CENPE: variants seen among roughly 807,000 people sequenced by gnomAD.
CENPE encodes centromere-associated protein E.
Under a neutral mutation model 336.1 loss-of-function variants are expected in CENPE, and 145 were observed. The observed-to-expected ratio is 0.43, with a 90% CI of 0.38 to 0.50. The LOEUF (loss-of-function observed/expected upper bound fraction) is 0.50. Among genes scored for constraint, CENPE ranks in the 20% least tolerant of loss-of-function variants. The pLI is 0.00. For missense variants in CENPE, 2,719 were observed against 3,023.3 expected, an observed-to-expected ratio of 0.90 and a Z score of 2.36; for synonymous variants, 1,013 against 984.8, an observed-to-expected ratio of 1.03 and a Z score of -0.54.
chr4:103,196,121 C>T, intron 3 of CENPE, 42 bp downstream of exon 3: 1 of 1,592,204 alleles, frequency 6.3e-7, no homozygotes, highest in South Asian at 1.1e-5. Flanking sequence ...TGCACAGACG[C>T]CCAAGACTAA....
intron 31 of CENPE, 22 bp from the exon 32 acceptor site, chr4:103,145,356 A>G: frequency 6.9e-7 from 1 of 1,447,672 alleles, no homozygotes; most frequent in South Asian, 1.2e-5. Context: ...TTATAAAATA[A>G]GTTAATAGTC....
chr4:103,185,892 G>A lies in CENPE; in HGVS notation c.694-31C>T, dbSNP rs201453971. ...AGATAGATAAAAATAAATCCTTAGG[G>A]CAGATAATTTGAAATAATAAAATTC... On this transcript the variant is annotated intron_variant, in intron 8 of 48. Coordinates refer to ENST00000265148, the MANE Select transcript of CENPE (RefSeq NM_001813.3). 48 of 1,471,086 alleles carry A rather than the reference G, an allele frequency of 3.3e-5. No individual in the cohort carries two copies. The African/African-American group carries it at 6.4e-4, about 20-fold the overall frequency. 91.1% of individuals were successfully genotyped at this position (1,471,086 alleles called of 1,614,324 possible).
rs1182182729 is a variant in CENPE, at chr4:103,121,224, T to C, written c.7144-891A>G. ...TACATGAATATATAGTTTCTAAAAA[T>C]AGTATACACACAATATACTAAATAT... On this transcript the variant is annotated intron_variant, in intron 43 of 48. Transcript: ENST00000265148. Among the ~76,000 whole-genome samples the C allele has an allele frequency of 8.5e-5, 13 of 152,330 alleles. No homozygotes were observed. In the East Asian group the frequency reaches 2.3e-3, roughly 27 times the overall value.
At position 103,140,303 on chromosome 4, in the gene CENPE, C is replaced by A; in HGVS notation, c.5866G>T (p.Asp1956Tyr). The change falls in exon 37 of 49, where the codon GAC becomes TAC. Residue 1956 changes from aspartate (D) to tyrosine (Y), a missense_variant. Coordinates refer to ENST00000265148, the MANE Select transcript of CENPE (RefSeq NM_001813.3). ...GATTTATCTAAATCCTTTTGAATGT[C>A]TGAAATTTGAATTGTCTTTTCTGAA... is the stretch of plus-strand genomic sequence containing the variant. ...KISEKTIQIS[D>Y]IQKDLDKSKD... The A allele has an allele frequency of 6.2e-7, 1 of 1,604,618 alleles. No homozygotes were observed. The highest frequency in any genetic ancestry group is 1.1e-5 in the South Asian group (1 of 89,364).
chr4:103,144,109 T>C (rs190170888), intron 33 of CENPE, among the ~76,000 whole-genome samples: 103 of 152,132 alleles, frequency 6.8e-4, no homozygotes, highest in African/African-American at 2.5e-3. Flanking sequence ...CCTAATTTTT[T>C]ATGTTTTTAG....
chr4:103,125,148 C>T (rs886833576), intron 42 of CENPE, among the ~76,000 whole-genome samples: 22 of 152,148 alleles, frequency 1.4e-4, no homozygotes, highest in Non-Finnish European at 2.6e-4. Context: ...ACTTTCCAAG[C>T]GAAAACTTTT....
intron 29 of CENPE, among the ~76,000 whole-genome samples, 161 bp from the exon 30 acceptor site, chr4:103,146,268 T>A (rs1427018675): frequency 6.6e-6 from 1 of 152,232 alleles, no homozygotes; most frequent in Non-Finnish European, 1.5e-5. Context: ...AGGCATTTAA[T>A]GCTTTTTAAA....
intron 45 of CENPE, among the ~76,000 whole-genome samples, chr4:103,115,377 GC>G (rs1750001570): frequency 6.6e-6 from 1 of 151,968 alleles, no homozygotes; most frequent in South Asian, 2.1e-4. Flanking sequence ...CAGGTGATCT[GC>G]CTGCCTCAGC....
At chr4:103,117,441 C>T (rs1345297181) in intron 44 of CENPE, among the ~76,000 whole-genome samples, 2 of 151,986 alleles carry the variant, frequency 1.3e-5, no homozygotes, top group African/African-American at 2.4e-5. Flanking sequence ...TAAAAAACCC[C>T]GTGCTTTGCC....
At chr4:103,111,700 G>T (rs963966107) in intron 46 of CENPE, among the ~76,000 whole-genome samples, 51 of 151,814 alleles carry the variant, frequency 3.4e-4, no homozygotes, top group Admixed American at 4.6e-4. Flanking sequence ...TACAAATCAA[G>T]AATAAATATC....
At chr4:103,130,322 T>C (rs980191966) in intron 42 of CENPE, among the ~76,000 whole-genome samples, 1 of 152,180 alleles carries the variant, frequency 6.6e-6, no homozygotes, top group Non-Finnish European at 1.5e-5. Flanking sequence ...TATCGCAAAG[T>C]TGCAGGATAA....
intron 42 of CENPE, among the ~76,000 whole-genome samples, chr4:103,128,161 AC>A (rs1475894698): frequency 6.6e-6 from 1 of 152,164 alleles, no homozygotes; most frequent in Non-Finnish European, 1.5e-5. Context: ...AGCAAGGAAA[AC>A]TATCAGGGAT....
intron 29 of CENPE, among the ~76,000 whole-genome samples, 187 bp from the exon 30 acceptor site, chr4:103,146,294 G>GTGT (rs1753052242): frequency 6.6e-6 from 1 of 152,200 alleles, no homozygotes; most frequent in Non-Finnish European, 1.5e-5. Flanking sequence ...AGGTCTCACT[G>GTGT]TGTTGTCAGC....
intron 18 of CENPE, among the ~76,000 whole-genome samples, chr4:103,162,317 A>T (rs891344596): frequency 6.9e-6 from 1 of 145,336 alleles, no homozygotes; most frequent in Admixed American, 6.8e-5. Flanking sequence ...CTGTTATCAT[A>T]AAAAAAAAAG....
chr4:103,162,042 T>C (rs1754492615), intron 18 of CENPE, among the ~76,000 whole-genome samples: 1 of 152,032 alleles, frequency 6.6e-6, no homozygotes, highest in Non-Finnish European at 1.5e-5. Context: ...AATTAATACA[T>C]GAATGAATAA....
chr4:103,166,641 AATG>A (rs1182298898), intron 16 of CENPE, among the ~76,000 whole-genome samples: 1 of 152,218 alleles, frequency 6.6e-6, no homozygotes, highest in Admixed American at 6.5e-5. Context: ...GAAACTGAAC[AATG>A]ATATCGAGGA....
At chr4:103,117,870 C>T (rs1429324254) in intron 44 of CENPE, among the ~76,000 whole-genome samples, 2 of 151,978 alleles carry the variant, frequency 1.3e-5, no homozygotes, top group East Asian at 1.9e-4. Context: ...TCAGGTGATC[C>T]GCCCGCCTCA....
chr4:103,153,134 CT>C lies in CENPE; in HGVS notation c.3149del (p.Gln1050ArgfsTer10). 1 of 1,612,574 alleles carries C rather than the reference CT, an allele frequency of 6.2e-7. No individual in the cohort carries two copies. The highest frequency in any genetic ancestry group is 8.5e-7 in the Non-Finnish European group (1 of 1,179,134). On this transcript the variant is annotated frameshift_variant, in exon 25 of 49. Transcript: ENST00000265148. LOFTEE classifies it high-confidence loss of function. ...ACATTTGTTGGAGTTCATTTTTCTCCTGTATTAAAGAAAATATCTTCCTTTG... is the reference window on the plus strand; with the variant it reads ...ACATTTGTTGGAGTTCATTTTTCTCCGTATTAAAGAAAATATCTTCCTTTG... ...EQQRKIFSLI[Q>X]EKNELQQMLE...
chr4:103,159,322 T>G lies in CENPE; in HGVS notation c.2289A>C (p.Ile763=). Residue 763 remains isoleucine, a splice_region_variant and synonymous_variant, in exon 22 of 49, where the codon ATA becomes ATC. Coordinates refer to ENST00000265148, the MANE Select transcript of CENPE (RefSeq NM_001813.3). The stretch of plus-strand genomic sequence containing the variant: ...TATGGAGCTCTTCAGATTTGTCTTG[T>G]ATCTATGGAAAAGAAATAAAATTTA... ...PSEVERLRKE[I]QDKSEELHII... 1 of 1,437,236 alleles carries G rather than the reference T, an allele frequency of 7.0e-7. No homozygotes were observed. Among genetic ancestry groups the G allele is most frequent in the South Asian group, 1.5e-5 (1 of 67,234 alleles). 89.0% of individuals were successfully genotyped at this position (1,437,236 alleles called of 1,614,324 possible).
Sources: allele counts gnomAD v4.1 joint callset (sites outside exome capture counted in the v4.1 genomes callset), GRCh38; gene constraint gnomAD v4.1.1; transcripts MANE v1.5; gene names NCBI Gene and HGNC (gene_info 2026-07-23, HGNC 2026-07-21).